DGKH: variants seen among roughly 807,000 people sequenced by gnomAD.
DGKH encodes diacylglycerol kinase eta.
DGKH carries 90 observed loss-of-function variants against 159.3 expected under a neutral mutation model. That is an observed-to-expected ratio of 0.57 (90% CI 0.48 to 0.67). The LOEUF is 0.67. Among genes scored for constraint, DGKH ranks in the 30% least tolerant of loss-of-function variants. The probability of loss-of-function intolerance (pLI) is 0.00; values close to 1 mark genes in which losing one functional copy is unlikely to be tolerated. For missense variants in DGKH, 1,181 were observed against 1,506.1 expected, an observed-to-expected ratio of 0.78 and a Z score of 3.57; for synonymous variants, 536 against 553.8, an observed-to-expected ratio of 0.97 and a Z score of 0.45.
intron 21 of DGKH, among the ~76,000 whole-genome samples, chr13:42,207,025 T>TTCTTTTTC (rs376338046): frequency 4.4e-5 from 2 of 44,966 alleles, no homozygotes; most frequent in Non-Finnish European, 4.8e-5. Flanking sequence ...CTTTCTTTCT[T>TTCTTTTTC]TTTCTTTCTT....
At chr13:42,094,378 A>AAC (rs1257145726) in intron 1 of DGKH, among the ~76,000 whole-genome samples, 1 of 152,250 alleles carries the variant, frequency 6.6e-6, no homozygotes, top group Non-Finnish European at 1.5e-5. Flanking sequence ...CAAACTTGTT[A>AAC]GTACAGTTTT....
chr13:42,135,212 G>A (rs959604866), intron 3 of DGKH, among the ~76,000 whole-genome samples: 2 of 151,238 alleles, frequency 1.3e-5, no homozygotes, highest in Non-Finnish European at 3.0e-5. Context: ...TATATTTGTA[G>A]TTCAAGCCAG....
At chr13:42,113,734 G>A (rs1266607606) in intron 1 of DGKH, among the ~76,000 whole-genome samples, 1 of 152,202 alleles carries the variant, frequency 6.6e-6, no homozygotes, top group Non-Finnish European at 1.5e-5. Context: ...ACGGGAGGAG[G>A]AGCAGTCATT....
intron 3 of DGKH, among the ~76,000 whole-genome samples, chr13:42,136,389 A>G (rs917606046): frequency 1.3e-5 from 2 of 152,248 alleles, no homozygotes; most frequent in Admixed American, 6.5e-5. Context: ...TAATCTGACC[A>G]TGTTAGGTAA....
At chr13:42,151,214 G>T (rs762699162) in intron 3 of DGKH, among the ~76,000 whole-genome samples, 1 of 152,066 alleles carries the variant, frequency 6.6e-6, no homozygotes, top group Non-Finnish European at 1.5e-5. Context: ...TGGATTTTTA[G>T]TGTAACCATC....
At chr13:42,132,793 G>A (rs1955313688) in intron 3 of DGKH, among the ~76,000 whole-genome samples, 1 of 152,108 alleles carries the variant, frequency 6.6e-6, no homozygotes, top group Non-Finnish European at 1.5e-5. Context: ...CAGCCACTCA[G>A]GAGGCTGATT....
At chr13:42,093,244 CAA>C (rs111570773) in intron 1 of DGKH, among the ~76,000 whole-genome samples, 57 of 95,062 alleles carry the variant, frequency 6.0e-4, no homozygotes, top group Admixed American at 7.9e-4. Flanking sequence ...ACTCTGTCTC[CAA>C]AAAAAAAAAA....
At position 42,048,778 on chromosome 13, in the gene DGKH, C is replaced by T. The variant is rs1236870143; in HGVS notation, c.5C>T (p.Ala2Val). Residue 2 changes from alanine to valine, a missense_variant, in exon 1 of 30, where the codon GCA (alanine) becomes GTA (valine). Physicochemically the swap from Ala to Val is moderately conservative, Grantham distance 64. This residue lies in a region of DGKH where 136 missense variants were observed against 132.2 expected (regional missense o/e 1.03). Coordinates refer to ENST00000337343, the MANE Select transcript of DGKH (RefSeq NM_178009.5). The surrounding 1 kb of genome is among the most constrained non-coding windows in gnomAD (Gnocchi z 6.7). The stretch of plus-strand genomic sequence containing the variant: ...TCCCCGCAGGAGTCGGAGAGGATGG[C>T]AGGGGCCGGAGGCCAGCACCACCCT... MAGAGGQHHPPG... is the reference protein window; with the variant it reads MVGAGGQHHPPG... 1 of 1,299,426 alleles carries T rather than the reference C, an allele frequency of 7.7e-7. No individual in the cohort carries two copies. The highest frequency in any genetic ancestry group is 9.8e-7 in the Non-Finnish European group (1 of 1,018,924). 80.5% of individuals were successfully genotyped at this position (1,299,426 alleles called of 1,614,324 possible). A position where few individuals can be genotyped will look rare whatever the true frequency, so the allele number is the denominator to read the frequency against.
chr13:42,084,420 G>A (rs1954265249), intron 1 of DGKH, among the ~76,000 whole-genome samples: 1 of 151,970 alleles, frequency 6.6e-6, no homozygotes, highest in Admixed American at 6.6e-5. Flanking sequence ...GAGTGCTTGT[G>A]TGTTTTTAGT....
At chr13:42,045,098 C>A (rs1426334138), upstream of DGKH, among the ~76,000 whole-genome samples, 2 of 152,074 alleles carry the variant, frequency 1.3e-5, no homozygotes, top group African/African-American at 4.8e-5. Flanking sequence ...TTGAGACCAT[C>A]CTGGGGAAGA....
chr13:42,163,922 C>T (rs1566147527), intron 7 of DGKH, among the ~76,000 whole-genome samples: 1 of 152,182 alleles, frequency 6.6e-6, no homozygotes, highest in Non-Finnish European at 1.5e-5. Context: ...GTGTTTCAGA[C>T]ATGAAGTCCT....
chr13:42,162,012 G>A (rs1956194222), intron 7 of DGKH, among the ~76,000 whole-genome samples: 1 of 152,100 alleles, frequency 6.6e-6, no homozygotes, highest in South Asian at 2.1e-4. Flanking sequence ...AATAGCAGTG[G>A]TATTACAGAT....
chr13:42,099,369 G>A (rs1954609945), intron 1 of DGKH, among the ~76,000 whole-genome samples: 1 of 152,144 alleles, frequency 6.6e-6, no homozygotes, highest in Admixed American at 6.5e-5. Flanking sequence ...GGCCCTGAAG[G>A]AGCCTGCATC....
At chr13:42,148,944 C>CTTTTTTTTTTTTTTT (rs11287579) in intron 3 of DGKH, among the ~76,000 whole-genome samples, 2 of 80,100 alleles carry the variant, frequency 2.5e-5, no homozygotes, top group Non-Finnish European at 2.4e-5. Context: ...CCCGCCCCTT[C>CTTTTTTTTTTTTTTT]TTTTTTTTTT....
At position 42,189,117 on chromosome 13, in the gene DGKH, C is replaced by T; in HGVS notation, c.1720C>T (p.Leu574Phe). 6.2e-7 allele frequency: 1 copy of T among 1,614,264 alleles called. No individual in the cohort carries two copies. The highest frequency in any genetic ancestry group is 1.7e-5 in the Admixed American group (1 of 60,032). The change falls in exon 15 of 30, where the codon CTC becomes TTC. Residue 574 changes from leucine (L) to phenylalanine (F), a missense_variant. Physicochemically the swap from Leu to Phe is conservative, Grantham distance 22. Transcript: ENST00000337343. ...CCAGGCTGCGCCTGTTCTCCCTGGC[C>T]TCAGCCCTCTCATTGTGGAAGAAGA... is the stretch of plus-strand genomic sequence containing the variant. ...DSQAAPVLPG[L>F]SPLIVEEDAV...
intron 11 of DGKH, among the ~76,000 whole-genome samples, chr13:42,170,406 C>T (rs375812449): frequency 5.3e-5 from 8 of 151,930 alleles, no homozygotes; most frequent in African/African-American, 1.7e-4. Flanking sequence ...GAGTGAGACC[C>T]TGTCTCAAAA....
At chr13:42,194,415 G>A (rs1957154601) in intron 16 of DGKH, among the ~76,000 whole-genome samples, 2 of 152,202 alleles carry the variant, frequency 1.3e-5, no homozygotes. Flanking sequence ...TTACAGGCAT[G>A]AGCCACCACA....
intron 1 of DGKH, among the ~76,000 whole-genome samples, chr13:42,078,973 T>C (rs1456093368): frequency 1.4e-5 from 2 of 144,366 alleles, no homozygotes; most frequent in Admixed American, 7.2e-5. Context: ...TGCAGTGGCA[T>C]GATCTTGGCT....
chr13:42,147,231 G>T (rs959258167), intron 3 of DGKH, among the ~76,000 whole-genome samples: 1 of 152,180 alleles, frequency 6.6e-6, no homozygotes, highest in African/African-American at 2.4e-5. Context: ...GGTAGTGGGG[G>T]TTGTGAAAAG....
Sources: allele counts gnomAD v4.1 joint callset (sites outside exome capture counted in the v4.1 genomes callset), GRCh38; gene constraint gnomAD v4.1.1; regional missense constraint gnomAD v4.1.1; non-coding constraint Gnocchi (gnomAD v3.1); transcripts MANE v1.5; gene names NCBI Gene and HGNC (gene_info 2026-07-23, HGNC 2026-07-21).